Variants in METAP2 observed in about 807,000 individuals in gnomAD.
METAP2 encodes methionyl aminopeptidase 2.
Under a neutral mutation model 59.4 loss-of-function variants are expected in METAP2, and 25 were observed. That is an observed-to-expected ratio of 0.42 (90% confidence interval 0.31 to 0.59). The LOEUF is 0.59. METAP2 is among the 20% of genes least tolerant of loss of function. METAP2 has a pLI of 0.16. For synonymous variants in METAP2, 214 were observed against 194.1 expected (o/e 1.10, Z -0.85); for missense variants, 366 against 581.2 (o/e 0.63, Z 3.81).
chr12:95,475,097 A>G (rs1487692330), intron 1 of METAP2, among the ~76,000 whole-genome samples: 1 of 152,198 alleles, frequency 6.6e-6, no homozygotes, highest in Admixed American at 6.5e-5. Context: ...ACAGTTGGAT[A>G]TTATGAACTA....
chr12:95,485,732 A>G, intron 3 of METAP2, 147 bp from the exon 4 acceptor site: 1 of 562,446 alleles, frequency 1.8e-6, no homozygotes, highest in Non-Finnish European at 3.0e-6. Flanking sequence ...GGCCAGCATG[A>G]TGAAGTGTCT....
intron 2 of METAP2, among the ~76,000 whole-genome samples, chr12:95,482,590 T>TCAACATG (rs113344250): frequency 0.015 from 2,164 of 146,420 alleles, 53 homozygotes; most frequent in African/African-American, 0.052. Flanking sequence ...ACCAGCCTGG[T>TCAACATG]CAACATGGCG....
At chr12:95,510,208 T>C (rs2076392567) in intron 8 of METAP2, among the ~76,000 whole-genome samples, 1 of 152,146 alleles carries the variant, frequency 6.6e-6, no homozygotes, top group South Asian at 2.1e-4. Flanking sequence ...AGCTTCTCAA[T>C]TGCAGAAGCT....
rs150405658 is a variant in METAP2, at chr12:95,490,590, G to A, written c.429-3466G>A. On this transcript the variant is annotated intron_variant, in intron 4 of 10. Coordinates refer to ENST00000323666, the MANE Select transcript of METAP2 (RefSeq NM_006838.4). ...TATTTTTTTTTTTTTTTTTTTTTGA[G>A]ATGGGGTGTTGCTGTATTGTCCAGG... Among the ~76,000 whole-genome samples the A allele has an allele frequency of 7.4e-3, 871 of 117,230 alleles. 7 individuals carry two copies. Among genetic ancestry groups the A allele is most frequent in the Middle Eastern group, 0.038 (6 of 158 alleles). 76.9% of individuals were successfully genotyped at this position (117,230 alleles called of 152,430 possible).
At chr12:95,482,201 C>A (rs929747151) in intron 2 of METAP2, 1 of 451,570 alleles carries the variant, frequency 2.2e-6, no homozygotes, top group Non-Finnish European at 4.4e-6. Flanking sequence ...CCTTGACTTC[C>A]CTGGCTCAGG....
intron 5 of METAP2, 61 bp downstream of exon 5, chr12:95,494,278 C>T: frequency 6.9e-7 from 1 of 1,459,800 alleles, no homozygotes; most frequent in Non-Finnish European, 9.3e-7. Flanking sequence ...TACTAACTCT[C>T]CAATTATAAT....
chr12:95,480,011 C>T (rs143660752), intron 2 of METAP2, among the ~76,000 whole-genome samples: 2 of 152,324 alleles, frequency 1.3e-5, no homozygotes, highest in East Asian at 1.9e-4. Context: ...TTCCATTTAA[C>T]ATTTCCATCT....
chr12:95,490,829 A>G (rs1477363728), intron 4 of METAP2, among the ~76,000 whole-genome samples: 1 of 152,068 alleles, frequency 6.6e-6, no homozygotes, highest in Admixed American at 6.5e-5. Flanking sequence ...TAGAGGTCTC[A>G]TGTTCTGGGA....
Position 95,514,031 on chromosome 12 carries a change from A to T in METAP2, c.*127A>T. On this transcript the variant is annotated 3_prime_UTR_variant, in exon 11 of 11. Coordinates refer to ENST00000323666, the MANE Select transcript of METAP2 (RefSeq NM_006838.4). ...CCATGTAATACTTTTATCCATGTTT[A>T]AAAAAGAAGGAATTTGGACAAAGGC... 1 of 1,158,568 alleles carries T rather than the reference A, an allele frequency of 8.6e-7. No individual in the cohort carries two copies. The highest frequency in any genetic ancestry group is 1.2e-6 in the Non-Finnish European group (1 of 852,310). The allele number at this position is 1,158,568 out of a possible 1,614,324, so 71.8% of individuals were successfully genotyped here.
intron 7 of METAP2, among the ~76,000 whole-genome samples, chr12:95,502,426 C>A (rs2076323338): frequency 6.6e-6 from 1 of 152,158 alleles, no homozygotes; most frequent in Non-Finnish European, 1.5e-5. Context: ...TTCAAAGTTT[C>A]TAGTTTGAAA....
At chr12:95,496,640 A>G (rs1056631868) in intron 7 of METAP2, among the ~76,000 whole-genome samples, 27 of 152,056 alleles carry the variant, frequency 1.8e-4, no homozygotes, top group Non-Finnish European at 3.8e-4. Flanking sequence ...CCATTATAGT[A>G]TCATACAGAG....
chr12:95,502,389 A>C lies in METAP2; in HGVS notation c.868-1676A>C, dbSNP rs114012159. The stretch of plus-strand genomic sequence containing the variant: ...TTTTTTTCTTTTAGTTAGCACTTTG[A>C]ATATGTTGCACTGCTGCCTTCTAGC... On this transcript the variant is annotated intron_variant, in intron 7 of 10. Transcript: ENST00000323666. Among the ~76,000 whole-genome samples the C allele has an allele frequency of 9.2e-3, 1,395 of 152,212 alleles. 28 individuals carry two copies. Among genetic ancestry groups the C allele is most frequent in the African/African-American group, 0.032 (1,336 of 41,540 alleles).
chr12:95,491,952 G>A (rs2076240640), intron 4 of METAP2, among the ~76,000 whole-genome samples: 7 of 151,984 alleles, frequency 4.6e-5, no homozygotes, highest in Admixed American at 4.6e-4. Context: ...CTACAGGCAT[G>A]TACCACCTTG....
chr12:95,482,811 G>A (rs1346026839), intron 2 of METAP2, among the ~76,000 whole-genome samples: 1 of 152,048 alleles, frequency 6.6e-6, no homozygotes, highest in Non-Finnish European at 1.5e-5. Flanking sequence ...AAGAAAAGAA[G>A]TGGCAATTTT....
chr12:95,484,747 T>G (rs1424043836), intron 3 of METAP2: 2 of 409,658 alleles, frequency 4.9e-6, no homozygotes, highest in Non-Finnish European at 9.4e-6. Flanking sequence ...GATAATTGTG[T>G]TTTTTTCTGA....
chr12:95,485,002 C>A, intron 3 of METAP2: 1 of 400,660 alleles, frequency 2.5e-6, no homozygotes, highest in South Asian at 1.9e-5. Context: ...TAATCATGGG[C>A]AGTTCACTGC....
chr12:95,479,984 C>T (rs553664908), intron 2 of METAP2, among the ~76,000 whole-genome samples: 10 of 152,270 alleles, frequency 6.6e-5, no homozygotes, highest in African/African-American at 2.4e-4. Context: ...ACTACCACGA[C>T]GGAAGATACA....
chr12:95,485,482 T>A (rs1420402969), intron 3 of METAP2, among the ~76,000 whole-genome samples: 1 of 152,048 alleles, frequency 6.6e-6, no homozygotes, highest in African/African-American at 2.4e-5. Flanking sequence ...TAGTTTTTCT[T>A]ATTTTATTAA....
chr12:95,513,090 T>TACACACACACACACACACACACACACAC (rs60788079), intron 10 of METAP2, among the ~76,000 whole-genome samples, 174 bp downstream of exon 10: 1 of 136,092 alleles, frequency 7.3e-6, no homozygotes, highest in Non-Finnish European at 1.6e-5. Context: ...AGATAAAAAT[T>TACACACACACACACACACACACACACAC]ACACACACAC....
Sources: gnomAD v4.1 joint callset for allele counts (sites outside exome capture counted in the v4.1 genomes callset) on GRCh38, gnomAD v4.1.1 for gene constraint, MANE v1.5 for transcripts, NCBI Gene and HGNC (gene_info 2026-07-23, HGNC 2026-07-21) for gene names.